MBD2: variants seen among roughly 807,000 people sequenced by gnomAD.
MBD2 encodes methyl-CpG binding domain protein 2.
MBD2 carries 9 observed loss-of-function variants against 39.3 expected under a neutral mutation model. That is an observed-to-expected ratio of 0.23 (90% confidence interval 0.14 to 0.40). MBD2 has a LOEUF of 0.40. Among genes scored for constraint, MBD2 ranks in the 10% least tolerant of loss-of-function variants. The pLI, the probability that MBD2 is intolerant of heterozygous loss-of-function variation, is 1.00. For missense variants in MBD2, 458 were observed against 532.6 expected, an observed-to-expected ratio of 0.86 and a Z score of 1.38; for synonymous variants, 233 against 211.1, an observed-to-expected ratio of 1.10 and a Z score of -0.90.
rs111498000 is a variant in MBD2 at position 54,212,795 on chromosome 18, C to T, written c.543-7638G>A. Among the ~76,000 whole-genome samples the T allele has an allele frequency of 5.2e-3, 783 of 151,822 alleles. 10 individuals are homozygous for T. Among genetic ancestry groups the T allele is most frequent in the African/African-American group, 0.016 (664 of 41,402 alleles). The stretch of plus-strand genomic sequence containing the variant: ...CTGTAATTCCAGTACTTTGGGAAGC[C>T]GAGGCGGACAGATCACTTAAGCCAT... On this transcript the variant is annotated intron_variant, in intron 1 of 6. Transcript: ENST00000256429.
chr18:54,194,705 T>C (rs1288545342), intron 2 of MBD2, among the ~76,000 whole-genome samples: 1 of 152,108 alleles, frequency 6.6e-6, no homozygotes, highest in Non-Finnish European at 1.5e-5. Context: ...CACTGAGAAA[T>C]GTTGTTCACA....
chr18:54,159,022 G>C (rs1390181824), intron 6 of MBD2, among the ~76,000 whole-genome samples: 4 of 152,142 alleles, frequency 2.6e-5, no homozygotes, highest in Non-Finnish European at 4.4e-5. Flanking sequence ...GAGAATCTAA[G>C]AAAAAGAAAG....
rs373847404 is a variant in MBD2 at position 54,189,002 on chromosome 18, C to A, written c.712G>T (p.Asp238Tyr). 3 of 1,593,542 alleles carry A rather than the reference C, an allele frequency of 1.9e-6. No homozygotes were observed. The highest frequency in any genetic ancestry group is 2.7e-5 in the African/African-American group (2 of 74,614). The change falls in exon 3 of 7, where the codon GAC (aspartate) becomes TAC (tyrosine). Residue 238 changes from aspartate (D) to tyrosine (Y), a missense_variant. By Grantham distance (160) the Asp-to-Tyr change is radical. Around this residue, in one of 2 missense-constraint regions of MBD2, gnomAD observed 189 missense variants for 296.6 expected, o/e 0.64. Coordinates refer to ENST00000256429, the MANE Select transcript of MBD2 (RefSeq NM_003927.5). Reference protein sequence around the residue: ...DPLNQNKGKPDLNTTLPIRQT... With the variant: ...DPLNQNKGKPYLNTTLPIRQT... ...CTAATTGGCAATGTTGTATTCAAGT[C>A]TGGTTTACCCTGTGAATATAAATGT...
chr18:54,184,541 G>C (rs889364491), intron 3 of MBD2, among the ~76,000 whole-genome samples: 10 of 152,118 alleles, frequency 6.6e-5, no homozygotes, highest in African/African-American at 2.4e-4. Flanking sequence ...CTAACTTATT[G>C]ATAGTCTTTT....
rs937184478 is a variant in MBD2, at chr18:54,219,776, C to T, written c.542+4242G>A. On this transcript the variant is annotated intron_variant, in intron 1 of 6. Transcript: ENST00000256429. ...CATGCTCTTGAAGCATCATACTAGT[C>T]TTTAGCAACAAATGGCACACACACA... Among the ~76,000 whole-genome samples the T allele has an allele frequency of 4.6e-5, 7 of 152,150 alleles. No individual in the cohort carries two copies. The East Asian group carries it at 7.7e-4, about 17-fold the overall frequency.
intron 1 of MBD2, among the ~76,000 whole-genome samples, chr18:54,209,210 T>C (rs1345576708): frequency 6.7e-6 from 1 of 149,748 alleles, no homozygotes; most frequent in Non-Finnish European, 1.5e-5. Flanking sequence ...GGCAGTAGAA[T>C]TGCTTGAACC....
intron 1 of MBD2, chr18:54,222,239 CTAATCTTTTTTTAACCACAA>C (rs754152155): frequency 2.5e-6 from 1 of 401,832 alleles, no homozygotes. Flanking sequence ...CTTGAGAAAA[CTAATCTTTTTTTAACCACAA>C]TAACCTTTTT....
chr18:54,181,733 A>G (rs1203864491), intron 3 of MBD2, among the ~76,000 whole-genome samples: 2 of 152,066 alleles, frequency 1.3e-5, no homozygotes, highest in African/African-American at 4.8e-5. Flanking sequence ...ACTCCTGACC[A>G]CGTGATCCAC....
At chr18:54,205,280 G>C (rs1419594348) in intron 1 of MBD2, 123 bp from the exon 2 acceptor site, 1 of 976,158 alleles carries the variant, frequency 1.0e-6, no homozygotes, top group Non-Finnish European at 1.5e-6. Flanking sequence ...TTAAAGAAAT[G>C]TTAAAGTTTT....
At chr18:54,206,773 ACAAG>A (rs1374322756) in intron 1 of MBD2, among the ~76,000 whole-genome samples, 17 of 135,836 alleles carry the variant, frequency 1.3e-4, no homozygotes. Flanking sequence ...CAAGAACAAT[ACAAG>A]AAAAAACCAG....
At position 54,224,235 on chromosome 18, in the gene MBD2, C is replaced by T; in HGVS notation, c.325G>A (p.Gly109Ser). The change falls in exon 1 of 7, where the codon GGC becomes AGC. Residue 109 changes from glycine to serine, a missense_variant. This residue lies in a region of MBD2 where 269 missense variants were observed against 236.0 expected (regional missense o/e 1.14). Transcript: ENST00000256429. ...SGGSGLGGDGGGCGGGGSGGG... is the reference protein window; with the variant it reads ...SGGSGLGGDGSGCGGGGSGGG... ...CCGCTGCCGCCGCCGCCGCAGCCGCCGCCGTCGCCGCCAAGGCCGCTGCCG... is the reference window on the plus strand; with the variant it reads ...CCGCTGCCGCCGCCGCCGCAGCCGCTGCCGTCGCCGCCAAGGCCGCTGCCG... The T allele has an allele frequency of 1.0e-6, 1 of 1,004,476 alleles. No homozygotes were observed. Among genetic ancestry groups the T allele is most frequent in the Non-Finnish European group, 1.2e-6 (1 of 843,594 alleles). 62.2% of individuals were successfully genotyped at this position (1,004,476 alleles called of 1,614,324 possible).
At chr18:54,174,989 T>G (rs1016756268) in intron 3 of MBD2, among the ~76,000 whole-genome samples, 3 of 152,220 alleles carry the variant, frequency 2.0e-5, no homozygotes, top group African/African-American at 7.2e-5. Context: ...ACATGTTAAT[T>G]TCCATAAATT....
intron 1 of MBD2, among the ~76,000 whole-genome samples, chr18:54,221,830 G>A (rs960161485): frequency 3.3e-5 from 5 of 152,132 alleles, no homozygotes; most frequent in African/African-American, 1.2e-4. Context: ...AATGTTAAGT[G>A]GCCACAAATC....
chr18:54,199,821 T>C (rs2086392150), intron 2 of MBD2, among the ~76,000 whole-genome samples: 1 of 152,292 alleles, frequency 6.6e-6, no homozygotes, highest in East Asian at 1.9e-4. Context: ...ACTTCTAGTT[T>C]CATCCCTTCC....
At chr18:54,188,256 C>T (rs552768113) in intron 3 of MBD2, among the ~76,000 whole-genome samples, 4 of 152,104 alleles carry the variant, frequency 2.6e-5, no homozygotes, top group African/African-American at 9.7e-5. Context: ...TCTCCCTCCC[C>T]GGGCTATATG....
intron 3 of MBD2, among the ~76,000 whole-genome samples, chr18:54,168,613 T>TTA (rs1182386086): frequency 8.5e-6 from 1 of 117,122 alleles, no homozygotes. Flanking sequence ...GTATGCATAT[T>TTA]TGTGTGTGTG....
At chr18:54,156,939 A>G (rs2086056055) in intron 6 of MBD2, among the ~76,000 whole-genome samples, 1 of 152,140 alleles carries the variant, frequency 6.6e-6, no homozygotes, top group Non-Finnish European at 1.5e-5. Context: ...ATTTCATGAG[A>G]AAAGTCTAGA....
chr18:54,215,656 C>A (rs1021206682), intron 1 of MBD2, among the ~76,000 whole-genome samples: 3 of 151,876 alleles, frequency 2.0e-5, no homozygotes, highest in African/African-American at 7.3e-5. Flanking sequence ...TCACCACGCC[C>A]ATCTAATTTT....
intron 2 of MBD2, among the ~76,000 whole-genome samples, chr18:54,204,317 A>G (rs2086432101): frequency 6.6e-6 from 1 of 152,234 alleles, no homozygotes; most frequent in African/African-American, 2.4e-5. Flanking sequence ...CTTTCTTTGT[A>G]AAGATATTGG....
Sources: gnomAD v4.1 joint callset for allele counts (sites outside exome capture counted in the v4.1 genomes callset) on GRCh38, gnomAD v4.1.1 for gene constraint, gnomAD v4.1.1 regional missense constraint, MANE v1.5 for transcripts, NCBI Gene and HGNC (gene_info 2026-07-23, HGNC 2026-07-21) for gene names.